The following PARP15 variants were observed in gnomAD, a reference collection of about 807,000 sequenced individuals.
PARP15 encodes the protein poly(ADP-ribose) polymerase family member 15, also known as protein mono-ADP-ribosyltransferase PARP15.
A neutral mutation model predicts 62.1 loss-of-function variants in PARP15; 50 were observed. That is an observed-to-expected ratio of 0.81 (90% CI 0.64 to 1.02). The LOEUF (loss-of-function observed/expected upper bound fraction) is 1.02. Among genes scored for constraint, PARP15 ranks in the 50% least tolerant of loss-of-function variants. The probability of loss-of-function intolerance (pLI) is 0.00; values close to 1 mark genes in which losing one functional copy is unlikely to be tolerated. For missense variants in PARP15, 820 were observed against 826.5 expected (o/e 0.99, Z 0.10); for synonymous variants, 309 against 293.1 (o/e 1.05, Z -0.55).
At chr3:122,633,630 C>T (rs1200162336) in intron 10 of PARP15, among the ~76,000 whole-genome samples, 1 of 151,712 alleles carries the variant, frequency 6.6e-6, no homozygotes, top group Non-Finnish European at 1.5e-5. Flanking sequence ...AAGAAATCTA[C>T]AGATGATTGA....
Position 122,610,749 on chromosome 3 carries a change from T to C in PARP15, c.543+19T>C. ...TTGGCAGGTAGGGAACGCTCTTAGT[T>C]CTCCAACGTATTGGGTGGCTTTGGG... On this transcript the variant is annotated intron_variant, in intron 3 of 11. Transcript: ENST00000464300. 1 of 1,484,864 alleles carries C rather than the reference T, an allele frequency of 6.7e-7. No homozygotes were observed. The highest frequency in any genetic ancestry group is 9.0e-7 in the Non-Finnish European group (1 of 1,115,578). 92.0% of individuals were successfully genotyped at this position (1,484,864 alleles called of 1,614,324 possible).
intron 4 of PARP15, among the ~76,000 whole-genome samples, chr3:122,614,575 AT>A (rs928766115): frequency 1.3e-5 from 2 of 152,050 alleles, no homozygotes; most frequent in Non-Finnish European, 2.9e-5. Flanking sequence ...CCAGAGACAT[AT>A]TTTTTTGCTC....
At chr3:122,594,686 AT>A (rs1161303159) in intron 1 of PARP15, 24 of 926,620 alleles carry the variant, frequency 2.6e-5, no homozygotes, top group Non-Finnish European at 3.1e-5. Context: ...ACTTTTAAAA[AT>A]CTATTTTCTT....
intron 9 of PARP15, among the ~76,000 whole-genome samples, chr3:122,628,582 T>A (rs1218784283): frequency 6.6e-6 from 1 of 152,220 alleles, no homozygotes; most frequent in Admixed American, 6.5e-5. Context: ...GGTTCATCAC[T>A]CTTTGCTTTC....
chr3:122,634,970 A>C (rs1319371562), intron 10 of PARP15, 50 bp from the exon 11 acceptor site: 3 of 1,555,508 alleles, frequency 1.9e-6, no homozygotes, highest in Admixed American at 1.7e-5. Context: ...AGTACAATAT[A>C]CTGAGCCCCA....
chr3:122,617,755 G>A (rs1164509627), intron 6 of PARP15, among the ~76,000 whole-genome samples: 1 of 152,178 alleles, frequency 6.6e-6, no homozygotes, highest in East Asian at 1.9e-4. Context: ...TTGAGGCGGA[G>A]TCTCACTCTG....
At chr3:122,630,388 T>G (rs542710590) in intron 9 of PARP15, among the ~76,000 whole-genome samples, 13 of 152,266 alleles carry the variant, frequency 8.5e-5, no homozygotes, top group Admixed American at 6.5e-4. Flanking sequence ...TATTCCTTAT[T>G]AATATACAAA....
At chr3:122,589,418 G>A (rs775272259) in intron 1 of PARP15, among the ~76,000 whole-genome samples, 1 of 152,176 alleles carries the variant, frequency 6.6e-6, no homozygotes, top group East Asian at 1.9e-4. Flanking sequence ...CTGTGTGGAC[G>A]TATGTTTTCA....
At position 122,636,116 on chromosome 3, in the gene PARP15, C is replaced by A; in HGVS notation, c.*16C>A. 1 of 1,596,164 alleles carries A rather than the reference C, an allele frequency of 6.3e-7. No individual in the cohort carries two copies. The highest frequency in any genetic ancestry group is 1.1e-5 in the South Asian group (1 of 89,126). On this transcript the variant is annotated 3_prime_UTR_variant, in exon 12 of 12. Transcript: ENST00000464300. Reference sequence around the variant, plus strand: ...CACGGCTTAAAAATATTTTTATCATCAAAGAGATGATTTAAGTCATCTGTA... The same window carrying A: ...CACGGCTTAAAAATATTTTTATCATAAAAGAGATGATTTAAGTCATCTGTA...
chr3:122,622,286 T>C (rs1936400732), intron 8 of PARP15, among the ~76,000 whole-genome samples: 1 of 152,214 alleles, frequency 6.6e-6, no homozygotes, highest in Non-Finnish European at 1.5e-5. Flanking sequence ...AGTTTTCTAT[T>C]ACCAGAAACT....
At chr3:122,630,680 AAAT>A (rs1470957851) in intron 9 of PARP15, among the ~76,000 whole-genome samples, 1 of 152,118 alleles carries the variant, frequency 6.6e-6, no homozygotes, top group Non-Finnish European at 1.5e-5. Flanking sequence ...CTCTGTCTCA[AAAT>A]AATAATAATA....
At chr3:122,593,084 T>TTTTCTATC (rs1161750482) in intron 1 of PARP15, among the ~76,000 whole-genome samples, 1 of 63,986 alleles carries the variant, frequency 1.6e-5, no homozygotes, top group Admixed American at 1.9e-4. Flanking sequence ...AAAGATAAAA[T>TTTTCTATC]TATCTGTCTA....
In PARP15 at chr3:122,605,830, C is replaced by A. The variant is rs1935125423; in HGVS notation, c.187-106C>A. On this transcript the variant is annotated intron_variant, in intron 1 of 11. Coordinates refer to ENST00000464300, the MANE Select transcript of PARP15 (RefSeq NM_001113523.3). The stretch of plus-strand genomic sequence containing the variant: ...CTCCTGGGCTCAAGTGATTCTCCCA[C>A]CTAGTCTTCCAAAGTGCTGAGATTA... 7 of 1,167,022 alleles carry A rather than the reference C, an allele frequency of 6.0e-6. No individual in the cohort carries two copies. The Admixed American group carries it at 7.5e-5, about 13-fold the overall frequency. The allele number at this position is 1,167,022 out of a possible 1,614,324, so 72.3% of individuals were successfully genotyped here.
chr3:122,594,915 G>C, intron 1 of PARP15: 2 of 947,302 alleles, frequency 2.1e-6, no homozygotes, highest in Non-Finnish European at 2.5e-6. Flanking sequence ...AAATGGAAGA[G>C]AAAGAGTAAC....
At chr3:122,607,560 T>A (rs1163708308) in intron 2 of PARP15, among the ~76,000 whole-genome samples, 1 of 152,250 alleles carries the variant, frequency 6.6e-6, no homozygotes, top group East Asian at 1.9e-4. Context: ...CATTATCCCC[T>A]TATGATGGGC....
intron 9 of PARP15, among the ~76,000 whole-genome samples, chr3:122,629,660 T>C (rs1437303679): frequency 6.6e-6 from 1 of 152,158 alleles, no homozygotes; most frequent in Non-Finnish European, 1.5e-5. Flanking sequence ...TATTATTACA[T>C]TGTAATATAT....
At chr3:122,632,310 A>G in intron 10 of PARP15, 91 bp downstream of exon 10, 1 of 1,225,608 alleles carries the variant, frequency 8.2e-7, no homozygotes, top group Middle Eastern at 2.8e-4. Flanking sequence ...CTTCCTTTGT[A>G]CCTTACTATG....
chr3:122,634,307 A>G (rs1159760646), intron 10 of PARP15, among the ~76,000 whole-genome samples: 1 of 152,024 alleles, frequency 6.6e-6, no homozygotes, highest in Non-Finnish European at 1.5e-5. Flanking sequence ...TGTCTTGCCC[A>G]CCACCCCCAT....
At chr3:122,628,812 G>A (rs944485813) in intron 9 of PARP15, among the ~76,000 whole-genome samples, 3 of 152,124 alleles carry the variant, frequency 2.0e-5, no homozygotes, top group Non-Finnish European at 4.4e-5. Context: ...TTAGAGAAAA[G>A]GAATAATACA....
Sources: allele counts gnomAD v4.1 joint callset (sites outside exome capture counted in the v4.1 genomes callset), GRCh38; gene constraint gnomAD v4.1.1; transcripts MANE v1.5; gene names NCBI Gene and HGNC (gene_info 2026-07-23, HGNC 2026-07-21).